The following ATP8A2 variants were observed in gnomAD, a reference collection of about 807,000 sequenced individuals.
ATP8A2 encodes phospholipid-transporting ATPase IB.
ATP8A2 carries 100 observed loss-of-function variants against 165.6 expected under a neutral mutation model. The observed-to-expected ratio is 0.60, with a 90% CI of 0.51 to 0.71. The LOEUF (loss-of-function observed/expected upper bound fraction) is 0.71, where lower values mean the gene tolerates loss of function less well. ATP8A2 is among the 30% of genes least tolerant of loss of function. ATP8A2 has a pLI of 0.00. For missense variants in ATP8A2, 1,227 were observed against 1,479.5 expected, an observed-to-expected ratio of 0.83 and a Z score of 2.80; for synonymous variants, 543 against 548.8, an observed-to-expected ratio of 0.99 and a Z score of 0.15.
chr13:25,639,123 G>GAATA (rs142390903), intron 24 of ATP8A2, among the ~76,000 whole-genome samples: 1 of 151,606 alleles, frequency 6.6e-6, no homozygotes, highest in African/African-American at 2.4e-5. Context: ...ACATGGAAAG[G>GAATA]ACCAGTACCA....
chr13:25,536,259 C>A (rs541503071), intron 6 of ATP8A2, among the ~76,000 whole-genome samples: 130 of 149,964 alleles, frequency 8.7e-4, no homozygotes, highest in African/African-American at 3.1e-3. Context: ...CTACAGGTGC[C>A]CACCACCATG....
At chr13:25,881,014 G>T (rs924216874) in intron 33 of ATP8A2, 1 of 441,060 alleles carries the variant, frequency 2.3e-6, no homozygotes, top group Non-Finnish European at 4.5e-6. Flanking sequence ...ACAGTTTCAG[G>T]TCCAAGGTTA....
At chr13:25,688,350 C>G (rs1222896827) in intron 24 of ATP8A2, among the ~76,000 whole-genome samples, 1 of 152,114 alleles carries the variant, frequency 6.6e-6, no homozygotes, top group Non-Finnish European at 1.5e-5. Context: ...CCTCACGCAC[C>G]CTAGTTCGTT....
Position 25,937,362 on chromosome 13 carries a change from C to CTTTTT in ATP8A2, c.3184-24200_3184-24196dup, listed in dbSNP as rs1555293658. ...TGCTTTGTCTTTCTATTCTTTCTTT[C>CTTTTT]TTTTTTTTTTTTTTTTTGAACAGCC... On this transcript the variant is annotated intron_variant, in intron 33 of 36. Coordinates refer to ENST00000381655, the MANE Select transcript of ATP8A2 (RefSeq NM_016529.6). 2.1e-3 allele frequency among the ~76,000 whole-genome samples: 82 copies of CTTTTT among 38,808 alleles called. 2 individuals are homozygous for CTTTTT. Among genetic ancestry groups the CTTTTT allele is most frequent in the African/African-American group, 5.4e-3 (80 of 14,728 alleles). The allele number at this position is 38,808 out of a possible 152,430, so 25.5% of individuals were successfully genotyped here.
At chr13:25,915,469 G>A (rs765119553) in intron 33 of ATP8A2, among the ~76,000 whole-genome samples, 4 of 152,226 alleles carry the variant, frequency 2.6e-5, no homozygotes, top group Admixed American at 6.5e-5. Context: ...CAGTAGCTGG[G>A]TCGCTGGGCT....
At chr13:26,004,836 C>T (rs1186458271) in intron 35 of ATP8A2, among the ~76,000 whole-genome samples, 1 of 151,966 alleles carries the variant, frequency 6.6e-6, no homozygotes, top group African/African-American at 2.4e-5. Context: ...GGCACAAATC[C>T]CACATGACCA....
chr13:25,865,154 A>G (rs1348225186), intron 33 of ATP8A2, among the ~76,000 whole-genome samples: 1 of 152,162 alleles, frequency 6.6e-6, no homozygotes, highest in Non-Finnish European at 1.5e-5. Flanking sequence ...GTAGTCAGTA[A>G]AAGGAATTGG....
chr13:25,931,227 A>G (rs1438074302), intron 33 of ATP8A2, among the ~76,000 whole-genome samples: 1 of 152,178 alleles, frequency 6.6e-6, no homozygotes, highest in Non-Finnish European at 1.5e-5. Flanking sequence ...AACGTCCCTA[A>G]GGGAAAAAGA....
chr13:25,963,255 G>C (rs922919847), intron 34 of ATP8A2, among the ~76,000 whole-genome samples: 2 of 151,962 alleles, frequency 1.3e-5, no homozygotes, highest in Non-Finnish European at 2.9e-5. Flanking sequence ...TTAGCTGGGC[G>C]TGGTGGCGGG....
chr13:25,954,080 G>A lies in ATP8A2; in HGVS notation c.3184-7495G>A, dbSNP rs143448701. Among the ~76,000 whole-genome samples the A allele has an allele frequency of 2.5e-3, 382 of 152,266 alleles. 4 individuals are homozygous for A. The highest frequency in any genetic ancestry group is 7.3e-3 in the East Asian group (38 of 5,176). The stretch of plus-strand genomic sequence containing the variant: ...CTAGCTCAGTGGATCCCACCCCGAC[G>A]GAGCCCAACAAGCTAAGATCCACTG... On this transcript the variant is annotated intron_variant, in intron 33 of 36. Transcript: ENST00000381655.
chr13:25,714,123 A>AAGG (rs2043207779), intron 25 of ATP8A2, among the ~76,000 whole-genome samples: 1 of 151,348 alleles, frequency 6.6e-6, no homozygotes, highest in African/African-American at 2.4e-5. Context: ...TAAAAGAAAG[A>AAGG]AAGGAAGGAA....
At chr13:26,016,601 C>A (rs1321236756) in intron 36 of ATP8A2, among the ~76,000 whole-genome samples, 33 of 152,180 alleles carry the variant, frequency 2.2e-4, no homozygotes, top group Admixed American at 2.2e-3. Context: ...GGCTAAGATA[C>A]CTTTCCCGAA....
intron 24 of ATP8A2, among the ~76,000 whole-genome samples, chr13:25,638,538 G>A (rs1308845176): frequency 6.6e-6 from 1 of 152,126 alleles, no homozygotes; most frequent in African/African-American, 2.4e-5. Flanking sequence ...GAAATGAAGC[G>A]AGAAGAGAAG....
At chr13:25,588,005 G>A (rs2039970993) in intron 23 of ATP8A2, among the ~76,000 whole-genome samples, 3 of 151,892 alleles carry the variant, frequency 2.0e-5, no homozygotes, top group Non-Finnish European at 4.4e-5. Flanking sequence ...TTGCCCATGT[G>A]GTATTGTGAT....
intron 33 of ATP8A2, among the ~76,000 whole-genome samples, chr13:25,957,000 GA>G (rs1423409622): frequency 7.2e-5 from 11 of 152,168 alleles, no homozygotes; most frequent in African/African-American, 2.7e-4. Flanking sequence ...TGACAAACCT[GA>G]CAAAAGCAAG....
At chr13:25,534,232 A>G (rs2038208171) in intron 6 of ATP8A2, 1 of 532,400 alleles carries the variant, frequency 1.9e-6, no homozygotes, top group African/African-American at 1.9e-5. Context: ...TTTTACAGTA[A>G]CACCTTAACC....
At chr13:25,696,912 G>A (rs1215906494) in intron 24 of ATP8A2, among the ~76,000 whole-genome samples, 2 of 152,124 alleles carry the variant, frequency 1.3e-5, no homozygotes, top group African/African-American at 4.8e-5. Context: ...CTTTTGACAT[G>A]GTGTACCAAA....
At chr13:25,430,668 GCTCGCTGTAGC>G (rs748627309) in intron 1 of ATP8A2, among the ~76,000 whole-genome samples, 12 of 152,076 alleles carry the variant, frequency 7.9e-5, no homozygotes, top group Non-Finnish European at 1.8e-4. Flanking sequence ...CGAAATCTCG[GCTCGCTGTAGC>G]CTCCGCCTCC....
intron 34 of ATP8A2, among the ~76,000 whole-genome samples, chr13:25,968,064 A>G (rs1238084530): frequency 6.6e-6 from 1 of 152,048 alleles, no homozygotes; most frequent in African/African-American, 2.4e-5. Flanking sequence ...CAGACCATGC[A>G]CTCTAGCATC....
Sources: allele counts gnomAD v4.1 joint callset (sites outside exome capture counted in the v4.1 genomes callset), GRCh38; gene constraint gnomAD v4.1.1; transcripts MANE v1.5; gene names NCBI Gene and HGNC (gene_info 2026-07-23, HGNC 2026-07-21).